The following TENM4 variants were observed in gnomAD, a reference collection of about 807,000 sequenced individuals.
TENM4 encodes the protein teneurin transmembrane protein 4.
In TENM4, 82 loss-of-function variants were observed where a neutral mutation model predicts 243.3. The ratio of observed to expected loss-of-function variants is 0.34; its 90% confidence interval spans 0.28 to 0.40. The LOEUF (loss-of-function observed/expected upper bound fraction) is 0.40. Ranked by LOEUF, TENM4 falls within the 10% of genes least tolerant of loss-of-function variation. The pLI, the probability that TENM4 is intolerant of heterozygous loss-of-function variation, is 1.00. For missense variants in TENM4, 3,138 were observed against 3,673.3 expected, an observed-to-expected ratio of 0.85 and a Z score of 3.77; for synonymous variants, 1,412 against 1,456.3, an observed-to-expected ratio of 0.97 and a Z score of 0.69.
At chr11:78,870,604 T>A (rs1033457406) in intron 9 of TENM4, among the ~76,000 whole-genome samples, 3 of 152,144 alleles carry the variant, frequency 2.0e-5, no homozygotes, top group Non-Finnish European at 4.4e-5. Flanking sequence ...ACTCCCAAAT[T>A]AAGTGTTTTC....
chr11:78,934,533 G>A (rs1856742002), intron 6 of TENM4, among the ~76,000 whole-genome samples: 1 of 152,170 alleles, frequency 6.6e-6, no homozygotes, highest in South Asian at 2.1e-4. Flanking sequence ...CAGTACTAAA[G>A]CCTTGACTCT....
chr11:78,984,701 A>C (rs1591183436), intron 6 of TENM4, among the ~76,000 whole-genome samples: 1 of 152,118 alleles, frequency 6.6e-6, no homozygotes, highest in African/African-American at 2.4e-5. Flanking sequence ...TACCTCTACT[A>C]CCGGTAACCA....
At chr11:79,314,098 A>G (rs940282348) in intron 1 of TENM4, among the ~76,000 whole-genome samples, 3 of 152,306 alleles carry the variant, frequency 2.0e-5, no homozygotes, top group African/African-American at 7.2e-5. Flanking sequence ...GCAGTCATGA[A>G]GGCCTGGGTT....
intron 1 of TENM4, among the ~76,000 whole-genome samples, chr11:79,420,521 ACT>A (rs1215633240): frequency 6.6e-6 from 1 of 152,068 alleles, no homozygotes; most frequent in Non-Finnish European, 1.5e-5. Context: ...AAAAAAGAAA[ACT>A]CATATTAGAA....
chr11:78,924,717 G>A (rs150037212), intron 6 of TENM4: 21 of 152,320 alleles, frequency 1.4e-4, no homozygotes, highest in African/African-American at 5.1e-4. Context: ...TGTTTCTGGT[G>A]ATGAGTTGGT....
At chr11:79,267,376 T>C (rs188250535) in intron 2 of TENM4, among the ~76,000 whole-genome samples, 8 of 152,308 alleles carry the variant, frequency 5.3e-5, no homozygotes, top group African/African-American at 7.2e-5. Context: ...AAGATGAATG[T>C]CCTAATATGA....
At chr11:78,797,628 C>G (rs566601126) in intron 15 of TENM4, among the ~76,000 whole-genome samples, 5 of 152,334 alleles carry the variant, frequency 3.3e-5, no homozygotes, top group African/African-American at 1.2e-4. Context: ...ATTTTCCAGT[C>G]TTTGATTAAA....
rs544196671 is a variant in TENM4, at chr11:79,370,779, T to TAAAAAAAAAAAA, written c.-321+69718_-321+69729dup. Among the ~76,000 whole-genome samples the TAAAAAAAAAAAA allele has an allele frequency of 5.4e-4, 31 of 57,160 alleles. 1 individual carries two copies. Among genetic ancestry groups the TAAAAAAAAAAAA allele is most frequent in the African/African-American group, 1.4e-3 (23 of 16,974 alleles). 37.5% of individuals were successfully genotyped at this position (57,160 alleles called of 152,430 possible). On this transcript the variant is annotated intron_variant, in intron 1 of 33. Transcript: ENST00000278550. ...ACTCCTAAAGGCACAACTCCTATGG[T>TAAAAAAAAAAAA]AAAAAAAAAAAAAAAAAAAAAAAAA...
intron 6 of TENM4, among the ~76,000 whole-genome samples, chr11:79,051,537 G>A (rs953971561): frequency 2.0e-5 from 3 of 152,174 alleles, no homozygotes; most frequent in Non-Finnish European, 2.9e-5. Context: ...TATGACTAGG[G>A]TAAGAGCTTT....
At position 78,913,939 on chromosome 11, in the gene TENM4, C is replaced by T. The variant is rs577500857; in HGVS notation, c.494-10416G>A. 5.3e-5 allele frequency among the ~76,000 whole-genome samples: 8 copies of T among 152,116 alleles called. No individual in the cohort carries two copies. In the South Asian group the frequency reaches 1.0e-3, roughly 20 times the overall value. On this transcript the variant is annotated intron_variant, in intron 6 of 33. Coordinates refer to ENST00000278550, the MANE Select transcript of TENM4 (RefSeq NM_001098816.3). ...GTAGGGGGAGGACTGATGCTGTTAG[C>T]CTGGAGAGGAGAAGGGGAAGGAGAA...
At chr11:78,742,244 A>G (rs1314401154) in intron 19 of TENM4, among the ~76,000 whole-genome samples, 4 of 152,216 alleles carry the variant, frequency 2.6e-5, no homozygotes, top group Non-Finnish European at 5.9e-5. Flanking sequence ...TAAGTGAAAA[A>G]CAATCAAGTA....
Position 79,004,955 on chromosome 11 carries a change from A to C in TENM4, c.493+59783T>G, listed in dbSNP as rs1033039712. On this transcript the variant is annotated intron_variant, in intron 6 of 33. Coordinates refer to ENST00000278550, the MANE Select transcript of TENM4 (RefSeq NM_001098816.3). The stretch of plus-strand genomic sequence containing the variant: ...CATAGAAATACCAAAAAAAAAAAAA[A>C]AAAAAACAACTCTGACTACTATGAA... Among the ~76,000 whole-genome samples, 42 of 151,544 alleles carry C rather than the reference A, an allele frequency of 2.8e-4. No homozygotes were observed. The South Asian group carries it at 7.5e-3, about 27-fold the overall frequency.
chr11:79,139,207 A>C (rs1232721025), intron 4 of TENM4, among the ~76,000 whole-genome samples: 5 of 38,822 alleles, frequency 1.3e-4, no homozygotes, highest in Non-Finnish European at 2.1e-4. Context: ...TTCTATAAAT[A>C]TATAAAATAT....
chr11:79,119,086 G>T (rs1181594359), intron 4 of TENM4, among the ~76,000 whole-genome samples: 2 of 152,172 alleles, frequency 1.3e-5, no homozygotes, highest in East Asian at 3.9e-4. Context: ...CATTTAGGAA[G>T]TGGTAGTCAG....
chr11:78,860,898 T>A (rs1387412849), intron 10 of TENM4, among the ~76,000 whole-genome samples: 1 of 152,252 alleles, frequency 6.6e-6, no homozygotes, highest in Admixed American at 6.5e-5. Context: ...TTATCTCTTA[T>A]CTGCACCTCC....
chr11:79,081,715 G>A (rs1370130799), intron 4 of TENM4, among the ~76,000 whole-genome samples: 1 of 152,182 alleles, frequency 6.6e-6, no homozygotes, highest in African/African-American at 2.4e-5. Flanking sequence ...ATGTGGGCTC[G>A]GAGTGCTCGT....
chr11:79,432,702 A>C (rs1180554054), intron 1 of TENM4, among the ~76,000 whole-genome samples: 1 of 152,238 alleles, frequency 6.6e-6, no homozygotes, highest in Non-Finnish European at 1.5e-5. Flanking sequence ...ATAATGATGC[A>C]AATTTTTACA....
intron 1 of TENM4, among the ~76,000 whole-genome samples, chr11:79,352,450 T>C (rs1565311349): frequency 6.6e-6 from 1 of 152,088 alleles, no homozygotes; most frequent in Non-Finnish European, 1.5e-5. Flanking sequence ...CCCCACCCAA[T>C]AGACCTGCTC....
At chr11:79,237,752 A>G (rs1300619710) in intron 2 of TENM4, among the ~76,000 whole-genome samples, 3 of 152,206 alleles carry the variant, frequency 2.0e-5, no homozygotes, top group African/African-American at 7.2e-5. Context: ...TATCACAAAA[A>G]TCTGAAGACT....
Sources: allele counts gnomAD v4.1 joint callset (sites outside exome capture counted in the v4.1 genomes callset), GRCh38; gene constraint gnomAD v4.1.1; transcripts MANE v1.5; gene names NCBI Gene and HGNC (gene_info 2026-07-23, HGNC 2026-07-21).